IL1RAPL1: variants seen among roughly 807,000 people sequenced by gnomAD.
IL1RAPL1 encodes interleukin-1 receptor accessory protein-like 1.
Under a neutral mutation model 48.4 loss-of-function variants are expected in IL1RAPL1, and 3 were observed. The observed-to-expected ratio is 0.06, with a 90% CI of 0.03 to 0.16. IL1RAPL1 has a LOEUF of 0.16. Ranked by LOEUF, IL1RAPL1 falls within the 10% of genes least tolerant of loss-of-function variation. The pLI is 1.00. For synonymous variants in IL1RAPL1, 185 were observed against 187.7 expected (o/e 0.99, Z 0.12); for missense variants, 349 against 530.6 (o/e 0.66, Z 3.36).
At chrX:29,721,001 C>T (rs373441103) in intron 6 of IL1RAPL1, among the ~76,000 whole-genome samples, 7 of 112,200 alleles carry the variant, frequency 6.2e-5, no homozygotes, top group African/African-American at 2.3e-4. Context: ...GCCAGTAGTG[C>T]TCTTATCAAC....
At chrX:29,538,000 A>G (rs1921292879) in intron 5 of IL1RAPL1, among the ~76,000 whole-genome samples, 1 of 111,402 alleles carries the variant, frequency 9.0e-6, no homozygotes, top group African/African-American at 3.3e-5. Flanking sequence ...TGCAGATACA[A>G]TTACATTAAC....
At chrX:29,768,839 T>A (rs1928976661) in intron 6 of IL1RAPL1, among the ~76,000 whole-genome samples, 1 of 111,934 alleles carries the variant, frequency 8.9e-6, no homozygotes, top group South Asian at 3.7e-4. Flanking sequence ...TTGAAGGAAA[T>A]CATGAGCAAA....
At position 28,976,942 on chromosome X, in the gene IL1RAPL1, A is replaced by G. The variant is rs111717678; in HGVS notation, c.82+187517A>G. Among the ~76,000 whole-genome samples, 199 of 112,445 alleles carry G rather than the reference A, an allele frequency of 1.8e-3. 1 individual carries two copies. Among genetic ancestry groups the G allele is most frequent in the Middle Eastern group, 9.1e-3 (2 of 219 alleles). On this transcript the variant is annotated intron_variant, in intron 2 of 10. Coordinates refer to ENST00000378993, the MANE Select transcript of IL1RAPL1 (RefSeq NM_014271.4). ...TACAACTCTGCTCTTTTAGCAGGAAAACAGCTATAGATATCAGGTAAGCAA... is the reference window on the plus strand; with the variant it reads ...TACAACTCTGCTCTTTTAGCAGGAAGACAGCTATAGATATCAGGTAAGCAA...
intron 5 of IL1RAPL1, among the ~76,000 whole-genome samples, chrX:29,601,942 C>G (rs907904017): frequency 2.7e-5 from 3 of 112,044 alleles, no homozygotes; most frequent in African/African-American, 9.7e-5. Context: ...AATATAGTCA[C>G]AGTTTCTTTG....
At chrX:29,500,784 G>A (rs1247282820) in intron 5 of IL1RAPL1, among the ~76,000 whole-genome samples, 1 of 111,333 alleles carries the variant, frequency 9.0e-6, no homozygotes, top group Non-Finnish European at 1.9e-5. Context: ...ACATGGAAGT[G>A]TAGATCTCTC....
chrX:29,494,181 G>A (rs187967441), intron 5 of IL1RAPL1, among the ~76,000 whole-genome samples: 70 of 111,823 alleles, frequency 6.3e-4, no homozygotes, highest in African/African-American at 2.1e-3. Context: ...GATTACAGGC[G>A]TAAGCCACCG....
intron 2 of IL1RAPL1, among the ~76,000 whole-genome samples, chrX:29,084,383 T>C (rs1339387403): frequency 1.8e-5 from 2 of 111,807 alleles, no homozygotes; most frequent in Non-Finnish European, 3.8e-5. Flanking sequence ...TTAAATTCTT[T>C]TAAAATATGA....
chrX:28,759,660 A>C (rs978795101), intron 1 of IL1RAPL1, among the ~76,000 whole-genome samples: 2 of 111,956 alleles, frequency 1.8e-5, no homozygotes, highest in Non-Finnish European at 3.8e-5. Context: ...AAATACATAA[A>C]TATTATTTTT....
At chrX:28,884,182 AATAAAT>A (rs1376261912) in intron 2 of IL1RAPL1, among the ~76,000 whole-genome samples, 2 of 111,955 alleles carry the variant, frequency 1.8e-5, no homozygotes, top group Admixed American at 1.9e-4. Flanking sequence ...TAATTTAAAA[AATAAAT>A]AAATAATATG....
intron 2 of IL1RAPL1, among the ~76,000 whole-genome samples, chrX:29,067,354 A>G (rs1460535386): frequency 3.6e-5 from 4 of 112,508 alleles, no homozygotes; most frequent in Non-Finnish European, 5.6e-5. Context: ...TCTCAAAACA[A>G]AACATTAATG....
intron 5 of IL1RAPL1, among the ~76,000 whole-genome samples, chrX:29,455,278 AT>A (rs1358246189): frequency 1.8e-5 from 2 of 111,719 alleles, no homozygotes; most frequent in Admixed American, 1.9e-4. Flanking sequence ...GAGACCAGAG[AT>A]TTTTTTCTTT....
chrX:28,872,199 T>G (rs1189407068), intron 2 of IL1RAPL1, among the ~76,000 whole-genome samples: 3 of 110,057 alleles, frequency 2.7e-5, no homozygotes, highest in African/African-American at 1.0e-4. Context: ...TTTTTTTTTT[T>G]TGTAATGACA....
intron 2 of IL1RAPL1, among the ~76,000 whole-genome samples, chrX:28,915,190 G>C (rs1215295573): frequency 9.0e-6 from 1 of 111,320 alleles, no homozygotes; most frequent in African/African-American, 3.3e-5. Context: ...GATCTGACGA[G>C]GCAGAGCTCA....
intron 5 of IL1RAPL1, among the ~76,000 whole-genome samples, chrX:29,433,614 A>G (rs1934446626): frequency 9.0e-6 from 1 of 111,391 alleles, no homozygotes; most frequent in Admixed American, 9.6e-5. Flanking sequence ...ACATTCTTTC[A>G]TATACTGCAT....
intron 2 of IL1RAPL1, among the ~76,000 whole-genome samples, chrX:29,282,594 A>G (rs766680690): frequency 8.9e-6 from 1 of 112,357 alleles, no homozygotes; most frequent in South Asian, 3.7e-4. Flanking sequence ...CAGCTAGTTA[A>G]GAAAAACATA....
chrX:29,119,627 C>CA (rs1473108796), intron 2 of IL1RAPL1, among the ~76,000 whole-genome samples: 7 of 111,332 alleles, frequency 6.3e-5, no homozygotes, highest in Non-Finnish European at 9.4e-5. Context: ...TTCCAGGGTA[C>CA]AAAAACCTGT....
intron 2 of IL1RAPL1, among the ~76,000 whole-genome samples, chrX:28,805,861 A>G (rs779772754): frequency 9.1e-6 from 1 of 109,905 alleles, no homozygotes; most frequent in East Asian, 2.9e-4. Context: ...ACATATATGT[A>G]TGTATATATA....
chrX:29,526,491 A>G (rs1935554427), intron 5 of IL1RAPL1, among the ~76,000 whole-genome samples: 1 of 112,053 alleles, frequency 8.9e-6, no homozygotes, highest in Admixed American at 9.5e-5. Context: ...AGATAACATG[A>G]TAGTATACCT....
intron 2 of IL1RAPL1, among the ~76,000 whole-genome samples, chrX:28,884,992 A>G (rs887342504): frequency 6.3e-5 from 7 of 111,584 alleles, no homozygotes; most frequent in Non-Finnish European, 1.3e-4. Flanking sequence ...TAAAAATTTT[A>G]TTTAGCTCAA....
Sources: allele counts gnomAD v4.1 joint callset (sites outside exome capture counted in the v4.1 genomes callset), GRCh38; gene constraint gnomAD v4.1.1; transcripts MANE v1.5; gene names NCBI Gene and HGNC (gene_info 2026-07-23, HGNC 2026-07-21).